HECW2: variants seen among roughly 807,000 people sequenced by gnomAD.
The protein encoded by HECW2 is E3 ubiquitin-protein ligase HECW2.
HECW2 carries 61 observed loss-of-function variants against 175.2 expected under a neutral mutation model. The ratio of observed to expected loss-of-function variants is 0.35; its 90% CI spans 0.28 to 0.43. The LOEUF (loss-of-function observed/expected upper bound fraction) is 0.43. Ranked by LOEUF, HECW2 falls within the 20% of genes least tolerant of loss-of-function variation. The pLI is 1.00. For missense variants in HECW2, 1,524 were observed against 2,000.5 expected, an observed-to-expected ratio of 0.76 and a Z score of 4.54; for synonymous variants, 671 against 731.0, an observed-to-expected ratio of 0.92 and a Z score of 1.32.
At chr2:196,391,292 G>A (rs1006635077) in intron 2 of HECW2, among the ~76,000 whole-genome samples, 2 of 152,068 alleles carry the variant, frequency 1.3e-5, no homozygotes, top group Non-Finnish European at 2.9e-5. Context: ...CTGCCCCACT[G>A]TTACTGGCTG....
chr2:196,491,369 T>TACACACAC (rs67409257), intron 1 of HECW2, among the ~76,000 whole-genome samples: 6 of 130,626 alleles, frequency 4.6e-5, no homozygotes, highest in African/African-American at 1.8e-4. Context: ...CATATATATA[T>TACACACAC]ACACACACAC....
intron 1 of HECW2, among the ~76,000 whole-genome samples, chr2:196,489,679 C>T (rs1031347876): frequency 5.9e-5 from 9 of 152,332 alleles, no homozygotes; most frequent in Admixed American, 5.2e-4. Flanking sequence ...CACTTGGCCC[C>T]AGACTTGGGA....
intron 14 of HECW2, among the ~76,000 whole-genome samples, chr2:196,281,587 C>G (rs2105996152): frequency 7.8e-6 from 1 of 128,592 alleles, no homozygotes; most frequent in East Asian, 2.3e-4. Flanking sequence ...TTGCAGTGAG[C>G]CAAGATTGCA....
intron 1 of HECW2, among the ~76,000 whole-genome samples, chr2:196,458,695 G>A (rs768304888): frequency 3.3e-5 from 5 of 151,760 alleles, no homozygotes; most frequent in East Asian, 3.9e-4. Flanking sequence ...GTGAAACCCC[G>A]TCTCTACTAA....
intron 19 of HECW2, among the ~76,000 whole-genome samples, chr2:196,252,362 T>G (rs1688892047): frequency 6.6e-6 from 1 of 152,028 alleles, no homozygotes; most frequent in African/African-American, 2.4e-5. Flanking sequence ...CTGATATGGT[T>G]TTTTTGGATG....
intron 1 of HECW2, among the ~76,000 whole-genome samples, chr2:196,505,931 C>T (rs899622313): frequency 6.6e-6 from 1 of 152,132 alleles, no homozygotes; most frequent in Non-Finnish European, 1.5e-5. Context: ...TTTAAAAATA[C>T]ATAGCATGTC....
chr2:196,370,906 G>T (rs578150923), intron 2 of HECW2, among the ~76,000 whole-genome samples: 3 of 152,266 alleles, frequency 2.0e-5, no homozygotes, highest in African/African-American at 7.2e-5. Context: ...GAGGATAGGG[G>T]GGATGCAGTG....
intron 24 of HECW2, among the ~76,000 whole-genome samples, chr2:196,221,915 A>C (rs1036409521): frequency 1.3e-5 from 2 of 152,212 alleles, no homozygotes; most frequent in Non-Finnish European, 2.9e-5. Context: ...AAAAAACTGC[A>C]TTCTATATAA....
intron 2 of HECW2, among the ~76,000 whole-genome samples, chr2:196,379,824 G>C: frequency 6.7e-6 from 1 of 149,924 alleles, no homozygotes; most frequent in African/African-American, 2.5e-5. Flanking sequence ...CTTTAAGGAA[G>C]AGTGTTACTG....
intron 1 of HECW2, among the ~76,000 whole-genome samples, chr2:196,499,981 A>G (rs903049037): frequency 2.6e-5 from 4 of 152,174 alleles, no homozygotes; most frequent in Admixed American, 2.6e-4. Flanking sequence ...TCTTTTCTAT[A>G]CACATATGAC....
At chr2:196,350,847 G>T (rs1190930003) in intron 2 of HECW2, among the ~76,000 whole-genome samples, 2 of 152,192 alleles carry the variant, frequency 1.3e-5, no homozygotes, top group Non-Finnish European at 2.9e-5. Context: ...TAGTCATCCT[G>T]GTGTCTGTGC....
chr2:196,502,781 C>T lies in HECW2; in HGVS notation c.-35-69323G>A, dbSNP rs577684600. Among the ~76,000 whole-genome samples, 167 of 152,304 alleles carry T rather than the reference C, an allele frequency of 1.1e-3. No homozygotes were observed. In the Middle Eastern group the frequency reaches 0.034, roughly 31 times the overall value. ...TGTGGTGGGACAGGCATGCTCTTCA[C>T]CCAGCCTTGCTCTTCCCAATACCAC... On this transcript the variant is annotated intron_variant, in intron 1 of 28. Transcript: ENST00000644978.
intron 17 of HECW2, among the ~76,000 whole-genome samples, chr2:196,266,293 G>A (rs1274347293): frequency 6.6e-6 from 1 of 151,864 alleles, no homozygotes; most frequent in Non-Finnish European, 1.5e-5. Context: ...GCTGCAGTCA[G>A]CTGTGATCGC....
At chr2:196,308,592 G>A (rs1021143803) in intron 10 of HECW2, among the ~76,000 whole-genome samples, 2 of 152,192 alleles carry the variant, frequency 1.3e-5, no homozygotes, top group South Asian at 4.1e-4. Flanking sequence ...TGCTCGCCTA[G>A]TGATGAAACA....
At position 196,220,097 on chromosome 2, in the gene HECW2, G is replaced by C. The variant is rs779698636; in HGVS notation, c.4350C>G (p.Ile1450Met). 1.5e-5 allele frequency: 25 copies of C among 1,613,492 alleles called. No homozygotes were observed. ...VFDARELELV[I>M]AGTAEIDLSD... ...TTAGGTCTATTTCAGCTGTGCCTGCGATGACCAATTCCAGTTCTCTTGCAT... is the reference window on the plus strand; with the variant it reads ...TTAGGTCTATTTCAGCTGTGCCTGCCATGACCAATTCCAGTTCTCTTGCAT... Residue 1450 changes from isoleucine (I) to methionine (M), a missense_variant, in exon 26 of 29, where the codon ATC (isoleucine) becomes ATG (methionine). Physicochemically the swap from Ile to Met is conservative, Grantham distance 10 (BLOSUM62 1). This residue lies in a region of HECW2 where 134 missense variants were observed against 287.8 expected (regional missense o/e 0.47). Transcript: ENST00000644978.
At chr2:196,500,096 AAAG>A (rs1687525175) in intron 1 of HECW2, among the ~76,000 whole-genome samples, 2 of 152,198 alleles carry the variant, frequency 1.3e-5, no homozygotes, top group Admixed American at 6.5e-5. Flanking sequence ...CAAGAAAAAA[AAAG>A]ATTATATAAA....
intron 5 of HECW2, among the ~76,000 whole-genome samples, chr2:196,328,131 T>G (rs1016941868): frequency 5.9e-5 from 9 of 152,124 alleles, no homozygotes; most frequent in African/African-American, 1.4e-4. Flanking sequence ...TACTCTAAAT[T>G]TTCTGAGCTA....
intron 28 of HECW2, among the ~76,000 whole-genome samples, chr2:196,208,893 G>A (rs1335348019): frequency 3.3e-5 from 5 of 152,188 alleles, no homozygotes; most frequent in Admixed American, 3.3e-4. Flanking sequence ...AGGCAAGGGA[G>A]GGAGGTGACC....
intron 1 of HECW2, among the ~76,000 whole-genome samples, chr2:196,527,153 C>G (rs1407880243): frequency 6.6e-6 from 1 of 152,246 alleles, no homozygotes; most frequent in Non-Finnish European, 1.5e-5. Flanking sequence ...AGGACCCTCC[C>G]AGCCAGGTGT....
Sources: allele counts gnomAD v4.1 joint callset (sites outside exome capture counted in the v4.1 genomes callset), GRCh38; gene constraint gnomAD v4.1.1; regional missense constraint gnomAD v4.1.1; transcripts MANE v1.5; gene names NCBI Gene and HGNC (gene_info 2026-07-23, HGNC 2026-07-21).